Variants in CHN1 observed in about 807,000 individuals in gnomAD.
CHN1 encodes the protein chimerin 1, also known as N-chimaerin.
CHN1 carries 37 observed loss-of-function variants against 59.5 expected under a neutral mutation model. The observed-to-expected ratio is 0.62, with a 90% CI of 0.48 to 0.82. The LOEUF is 0.82. Among genes scored for constraint, CHN1 ranks in the 40% least tolerant of loss-of-function variants. The pLI is 0.00. For synonymous variants in CHN1, 206 were observed against 200.4 expected (o/e 1.03, Z -0.24); for missense variants, 469 against 571.0 (o/e 0.82, Z 1.82).
chr2:174,988,265 G>A (rs1691418181), intron 1 of CHN1, among the ~76,000 whole-genome samples: 1 of 151,352 alleles, frequency 6.6e-6, no homozygotes, highest in South Asian at 2.1e-4. Flanking sequence ...GCTGAGGCAG[G>A]AGAATGGCGT....
chr2:174,854,386 G>A (rs925712940), intron 6 of CHN1, among the ~76,000 whole-genome samples: 6 of 151,920 alleles, frequency 3.9e-5, no homozygotes, highest in Admixed American at 1.3e-4. Flanking sequence ...TGAAATAGGT[G>A]ACCTTGAATA....
At chr2:174,971,863 A>C (rs1337733452) in intron 1 of CHN1, among the ~76,000 whole-genome samples, 1 of 152,224 alleles carries the variant, frequency 6.6e-6, no homozygotes, top group Non-Finnish European at 1.5e-5. Flanking sequence ...AAAATTATCA[A>C]GGCAATAAGA....
rs1457092581 is a variant in CHN1 at position 174,877,904 on chromosome 2, G to A, written c.485C>T (p.Pro162Leu). ...NREPAYKKHMPVLKETHDERD... is the reference protein window; with the variant it reads ...NREPAYKKHMLVLKETHDERD... ...CTCATCATGTGTCTCTTTCAGGACT[G>A]GCATATGTTTTTTGTATGCTGGCTC... Residue 162 changes from proline to leucine, a missense_variant, in exon 6 of 13, where the codon CCA (proline) becomes CTA (leucine). This residue lies in a region of CHN1 where 81 missense variants were observed against 71.7 expected (regional missense o/e 1.13). Coordinates refer to ENST00000409900, the MANE Select transcript of CHN1 (RefSeq NM_001822.7). 6.2e-7 allele frequency: 1 copy of A among 1,613,800 alleles called. No homozygotes were observed. Among genetic ancestry groups the A allele is most frequent in the Non-Finnish European group, 8.5e-7 (1 of 1,179,792 alleles).
intron 6 of CHN1, among the ~76,000 whole-genome samples, chr2:174,874,038 TG>T (rs1196236420): frequency 1.3e-5 from 2 of 152,244 alleles, no homozygotes; most frequent in Non-Finnish European, 2.9e-5. Context: ...GCTCACAGTA[TG>T]GCTTCAGAAA....
At chr2:174,815,808 T>G (rs914031598) in intron 8 of CHN1, among the ~76,000 whole-genome samples, 1 of 152,254 alleles carries the variant, frequency 6.6e-6, no homozygotes, top group Non-Finnish European at 1.5e-5. Flanking sequence ...TTGAGTATTA[T>G]TTGACTCTGG....
At chr2:174,880,525 A>G (rs142888124) in intron 5 of CHN1, among the ~76,000 whole-genome samples, 4 of 152,286 alleles carry the variant, frequency 2.6e-5, no homozygotes, top group East Asian at 3.9e-4. Flanking sequence ...CCCATTCTAC[A>G]TAAGAAGAGC....
intron 5 of CHN1, among the ~76,000 whole-genome samples, chr2:174,883,023 T>C (rs944841020): frequency 6.6e-6 from 1 of 152,226 alleles, no homozygotes; most frequent in Non-Finnish European, 1.5e-5. Context: ...TATTAAATTA[T>C]GTCAACACAT....
chr2:174,990,846 T>C (rs1279602845), intron 1 of CHN1, among the ~76,000 whole-genome samples: 1 of 152,182 alleles, frequency 6.6e-6, no homozygotes, highest in Admixed American at 6.5e-5. Flanking sequence ...AATGACATCT[T>C]TATAACATCC....
Position 174,799,477 on chromosome 2 carries a change from AATTT to A in CHN1, c.*635_*638del, listed in dbSNP as rs1176442274. The A allele has an allele frequency of 3.7e-5, 18 of 484,212 alleles. No homozygotes were observed. Among genetic ancestry groups the A allele is most frequent in the Admixed American group, 1.0e-4 (4 of 39,214 alleles). The allele number at this position is 484,212 out of a possible 1,614,324, so 30.0% of individuals were successfully genotyped here. A position where few individuals can be genotyped will look rare whatever the true frequency, so the allele number is the denominator to read the frequency against. ...CAAATTACAACTGAAAACCAATAAT[AATTT>A]AACAGAAAATGCTGTGTTGTACACT... On this transcript the variant is annotated 3_prime_UTR_variant, in exon 13 of 13. Coordinates refer to ENST00000409900, the MANE Select transcript of CHN1 (RefSeq NM_001822.7).
intron 5 of CHN1, among the ~76,000 whole-genome samples, chr2:174,878,740 T>C (rs939387894): frequency 1.3e-5 from 2 of 152,256 alleles, no homozygotes; most frequent in African/African-American, 2.4e-5. Flanking sequence ...AGAGTCATTA[T>C]TCTGTCTGCT....
intron 1 of CHN1, among the ~76,000 whole-genome samples, chr2:174,974,898 T>TACACACACACACACACACACAC (rs373940330): frequency 2.1e-5 from 3 of 144,268 alleles, no homozygotes; most frequent in African/African-American, 5.3e-5. Context: ...AAATAATTAA[T>TACACACACACACACACACACAC]ACACACACAC....
intron 5 of CHN1, among the ~76,000 whole-genome samples, chr2:174,897,594 A>T (rs1574140277): frequency 6.6e-6 from 1 of 152,092 alleles, no homozygotes; most frequent in East Asian, 1.9e-4. Context: ...TAGTAGATCA[A>T]AAAAACAGTG....
At chr2:174,924,779 T>C (rs900384023) in intron 3 of CHN1, among the ~76,000 whole-genome samples, 3 of 152,238 alleles carry the variant, frequency 2.0e-5, no homozygotes, top group African/African-American at 7.2e-5. Context: ...CTTCAAGTGT[T>C]ACATGCTATA....
intron 1 of CHN1, among the ~76,000 whole-genome samples, chr2:174,968,900 C>T (rs1473387305): frequency 6.6e-6 from 1 of 152,212 alleles, no homozygotes; most frequent in Non-Finnish European, 1.5e-5. Context: ...CTCTTTATAA[C>T]TCATTTGGTA....
At chr2:174,866,413 T>C (rs886389742) in intron 6 of CHN1, among the ~76,000 whole-genome samples, 6 of 152,170 alleles carry the variant, frequency 3.9e-5, no homozygotes, top group Admixed American at 3.3e-4. Context: ...ACATTTATAA[T>C]CAATGTCTGT....
intron 1 of CHN1, 35 bp from the exon 2 acceptor site, chr2:174,952,237 T>C: frequency 3.3e-6 from 4 of 1,206,000 alleles, no homozygotes; most frequent in Middle Eastern, 4.2e-4. Flanking sequence ...CATTACTGAA[T>C]ATTTAAATTT....
At chr2:174,822,907 G>A (rs1485304732) in intron 8 of CHN1, among the ~76,000 whole-genome samples, 1 of 152,200 alleles carries the variant, frequency 6.6e-6, no homozygotes, top group East Asian at 1.9e-4. Flanking sequence ...GTCCACACGT[G>A]TAGGATTCTT....
chr2:174,837,664 CT>C (rs1400408599), intron 7 of CHN1, among the ~76,000 whole-genome samples: 1 of 151,834 alleles, frequency 6.6e-6, no homozygotes, highest in African/African-American at 2.4e-5. Context: ...CCAGAAGAAT[CT>C]CAAGATAATT....
At chr2:174,873,890 T>C (rs1360230570) in intron 6 of CHN1, among the ~76,000 whole-genome samples, 1 of 151,714 alleles carries the variant, frequency 6.6e-6, no homozygotes, top group Admixed American at 6.5e-5. Context: ...GGTTATTTAG[T>C]GTGTCAAAGT....
Sources: allele counts gnomAD v4.1 joint callset (sites outside exome capture counted in the v4.1 genomes callset), GRCh38; gene constraint gnomAD v4.1.1; regional missense constraint gnomAD v4.1.1; transcripts MANE v1.5; gene names NCBI Gene and HGNC (gene_info 2026-07-23, HGNC 2026-07-21).